NRXN3: variants seen among roughly 807,000 people sequenced by gnomAD.
The protein encoded by NRXN3 is neurexin 3.
In NRXN3, 32 loss-of-function variants were observed where a neutral mutation model predicts 137.6. The observed-to-expected ratio is 0.23, with a 90% CI of 0.18 to 0.31. NRXN3 has a LOEUF of 0.31. NRXN3 is among the 10% of genes least tolerant of loss of function. The pLI is 1.00. For synonymous variants in NRXN3, 798 were observed against 784.5 expected (o/e 1.02, Z -0.29); for missense variants, 1,574 against 2,062.5 (o/e 0.76, Z 4.59).
chr14:78,993,476 G>C (rs1001383955), intron 15 of NRXN3, among the ~76,000 whole-genome samples: 14 of 152,082 alleles, frequency 9.2e-5, no homozygotes, highest in Non-Finnish European at 7.4e-5. Flanking sequence ...CCATGTTTTT[G>C]GTTATGTGTT....
chr14:78,807,993 C>A (rs1296189959), intron 9 of NRXN3, among the ~76,000 whole-genome samples: 1 of 151,702 alleles, frequency 6.6e-6, no homozygotes. Flanking sequence ...ATTTAAAAAA[C>A]CACATATATA....
chr14:79,705,073 T>C (rs1603442905), intron 19 of NRXN3, among the ~76,000 whole-genome samples: 2 of 152,144 alleles, frequency 1.3e-5, no homozygotes, highest in Admixed American at 6.5e-5. Flanking sequence ...GGAGAATTCA[T>C]AGAGATGCCC....
At chr14:78,266,814 AT>A (rs200259450) in intron 2 of NRXN3, among the ~76,000 whole-genome samples, 11 of 150,536 alleles carry the variant, frequency 7.3e-5, no homozygotes, top group African/African-American at 2.4e-4. Context: ...AACCTTGCTT[AT>A]TTTTTTTTAA....
intron 8 of NRXN3, among the ~76,000 whole-genome samples, chr14:78,715,666 T>G (rs1465533287): frequency 6.6e-6 from 1 of 152,188 alleles, no homozygotes; most frequent in African/African-American, 2.4e-5. Flanking sequence ...ACATAAACTC[T>G]GGGGCCAGAC....
At chr14:79,280,171 C>A in intron 15 of NRXN3, 2 of 1,515,030 alleles carry the variant, frequency 1.3e-6, no homozygotes, top group Non-Finnish European at 1.8e-6. Context: ...TTGCTTCCCT[C>A]TTCCCCGAAT....
chr14:79,012,173 A>T (rs1594896572), intron 15 of NRXN3, among the ~76,000 whole-genome samples: 2 of 152,296 alleles, frequency 1.3e-5, no homozygotes, highest in East Asian at 3.9e-4. Context: ...GTGCAGGGTG[A>T]TGTGAAACAT....
chr14:78,534,469 A>G (rs1293592183), intron 4 of NRXN3, among the ~76,000 whole-genome samples: 1 of 152,224 alleles, frequency 6.6e-6, no homozygotes, highest in African/African-American at 2.4e-5. Context: ...ATGAGTGTGC[A>G]TCTGAATGGC....
chr14:78,445,948 A>G (rs1354983581), intron 4 of NRXN3, among the ~76,000 whole-genome samples: 1 of 151,916 alleles, frequency 6.6e-6, no homozygotes. Flanking sequence ...CTTGTGGGAG[A>G]GTGGGGGTAA....
intron 8 of NRXN3, among the ~76,000 whole-genome samples, chr14:78,726,272 T>C (rs2098482951): frequency 6.6e-6 from 1 of 152,128 alleles, no homozygotes; most frequent in Non-Finnish European, 1.5e-5. Flanking sequence ...ACATGTGCCA[T>C]GGTGGTTTGC....
intron 3 of NRXN3, among the ~76,000 whole-genome samples, chr14:78,295,206 A>G (rs1253149857): frequency 6.6e-6 from 1 of 152,192 alleles, no homozygotes; most frequent in African/African-American, 2.4e-5. Flanking sequence ...AACAAACCGT[A>G]TTATGGTTAC....
intron 15 of NRXN3, among the ~76,000 whole-genome samples, chr14:79,239,501 C>A (rs563761361): frequency 6.6e-6 from 1 of 151,692 alleles, no homozygotes; most frequent in Admixed American, 6.6e-5. Flanking sequence ...GAGGCTATTA[C>A]AAAAAAAGTA....
chr14:79,257,404 T>C (rs2076773301), intron 15 of NRXN3, among the ~76,000 whole-genome samples: 1 of 110,328 alleles, frequency 9.1e-6, no homozygotes, highest in African/African-American at 3.6e-5. Context: ...GTGGTGGTGG[T>C]GGTGGTGGTG....
chr14:79,534,277 G>C (rs2097193283), intron 16 of NRXN3, among the ~76,000 whole-genome samples: 1 of 152,128 alleles, frequency 6.6e-6, no homozygotes, highest in Non-Finnish European at 1.5e-5. Context: ...ACTGGGACAT[G>C]ATATGGTACA....
intron 15 of NRXN3, among the ~76,000 whole-genome samples, chr14:79,056,230 C>A (rs1448192932): frequency 2.0e-5 from 3 of 152,120 alleles, no homozygotes; most frequent in Non-Finnish European, 4.4e-5. Context: ...GGAGAGCTAT[C>A]ATGTGAAACA....
chr14:79,510,361 A>G (rs2096921010), intron 16 of NRXN3, among the ~76,000 whole-genome samples: 1 of 152,182 alleles, frequency 6.6e-6, no homozygotes, highest in African/African-American at 2.4e-5. Flanking sequence ...CAGCAGGGGA[A>G]TTGATAGGCT....
At chr14:78,701,254 AC>A (rs1212642692) in intron 6 of NRXN3, among the ~76,000 whole-genome samples, 1 of 152,218 alleles carries the variant, frequency 6.6e-6, no homozygotes, top group African/African-American at 2.4e-5. Context: ...CTTACTGTTC[AC>A]ATCTGTAACT....
chr14:78,270,928 C>T (rs2072616418), intron 2 of NRXN3, among the ~76,000 whole-genome samples: 1 of 152,208 alleles, frequency 6.6e-6, no homozygotes. Flanking sequence ...CTGCAGCCAG[C>T]AGAAGCAAGC....
At chr14:78,716,193 G>A (rs2098432700) in intron 8 of NRXN3, among the ~76,000 whole-genome samples, 1 of 152,186 alleles carries the variant, frequency 6.6e-6, no homozygotes, top group Non-Finnish European at 1.5e-5. Context: ...TAAGTAAAGG[G>A]CATAGATAAA....
intron 15 of NRXN3, among the ~76,000 whole-genome samples, chr14:79,004,423 T>G (rs1219827583): frequency 6.6e-6 from 1 of 152,214 alleles, no homozygotes; most frequent in Non-Finnish European, 1.5e-5. Context: ...TTTGGCATTT[T>G]TGGTAGAGAT....
Sources: allele counts gnomAD v4.1 joint callset (sites outside exome capture counted in the v4.1 genomes callset), GRCh38; gene constraint gnomAD v4.1.1; transcripts MANE v1.5; gene names NCBI Gene and HGNC (gene_info 2026-07-23, HGNC 2026-07-21).